Variants in GRIK2 observed in about 807,000 individuals in gnomAD.
GRIK2 encodes glutamate ionotropic receptor kainate type subunit 2, also known as glutamate receptor ionotropic, kainate 2.
In GRIK2, 32 loss-of-function variants were observed where a neutral mutation model predicts 100.3. The ratio of observed to expected loss-of-function variants is 0.32; its 90% CI spans 0.24 to 0.43. The LOEUF is 0.43. GRIK2 is among the 20% of genes least tolerant of loss of function. The probability of loss-of-function intolerance (pLI) is 1.00; values close to 1 mark genes in which losing one functional copy is unlikely to be tolerated. For missense variants in GRIK2, 843 were observed against 1,114.9 expected (o/e 0.76, Z 3.47); for synonymous variants, 417 against 389.4 (o/e 1.07, Z -0.83).
intron 2 of GRIK2, among the ~76,000 whole-genome samples, chr6:101,498,183 C>G (rs982241453): frequency 6.6e-6 from 1 of 150,694 alleles, no homozygotes; most frequent in African/African-American, 2.4e-5. Flanking sequence ...CATGTCCCTA[C>G]AAAGGACATG....
intron 2 of GRIK2, among the ~76,000 whole-genome samples, chr6:101,507,822 G>T (rs1774098526): frequency 6.6e-6 from 1 of 152,174 alleles, no homozygotes; most frequent in African/African-American, 2.4e-5. Flanking sequence ...GAGGCAAGGG[G>T]CTGATGTTGG....
At chr6:101,514,936 G>C (rs192499131) in intron 2 of GRIK2, among the ~76,000 whole-genome samples, 18 of 152,134 alleles carry the variant, frequency 1.2e-4, no homozygotes, top group Admixed American at 1.2e-3. Context: ...GGTACGGGAG[G>C]TACTTGGTTA....
In GRIK2 at chr6:102,068,326, T is replaced by C. The variant is rs1170643474; in HGVS notation, c.2563-21T>C. 1.9e-6 allele frequency: 3 copies of C among 1,573,776 alleles called. No homozygotes were observed. In the African/African-American group the frequency reaches 4.1e-5, roughly 21 times the overall value. ...AGTTTATGTATCTTGTAATATTTAATTTTTCTGTGTTCTTCTGTAGAGGTC... is the reference window on the plus strand; with the variant it reads ...AGTTTATGTATCTTGTAATATTTAACTTTTCTGTGTTCTTCTGTAGAGGTC... On this transcript the variant is annotated intron_variant, in intron 16 of 16. Coordinates refer to ENST00000369134, the MANE Select transcript of GRIK2 (RefSeq NM_021956.5).
chr6:101,716,900 C>T (rs1005066281), intron 7 of GRIK2, among the ~76,000 whole-genome samples: 6 of 151,752 alleles, frequency 4.0e-5, no homozygotes, highest in Non-Finnish European at 8.8e-5. Context: ...TCTTCCAGTG[C>T]CCATTCCTCT....
At chr6:101,558,754 T>G (rs956922167) in intron 2 of GRIK2, among the ~76,000 whole-genome samples, 1 of 152,016 alleles carries the variant, frequency 6.6e-6, no homozygotes, top group African/African-American at 2.4e-5. Context: ...CATTCTATGT[T>G]CTGTCCCAAG....
chr6:101,604,577 A>G (rs1197323531), intron 2 of GRIK2, among the ~76,000 whole-genome samples: 1 of 151,840 alleles, frequency 6.6e-6, no homozygotes, highest in Non-Finnish European at 1.5e-5. Flanking sequence ...ATTTTGTAAC[A>G]CTCATTTTAT....
intron 10 of GRIK2, among the ~76,000 whole-genome samples, chr6:101,857,287 T>C (rs1414101379): frequency 1.3e-5 from 2 of 152,178 alleles, no homozygotes; most frequent in Admixed American, 1.3e-4. Flanking sequence ...ATGGTCATTC[T>C]AAAAATCAGG....
At chr6:101,584,338 C>T (rs1016602719) in intron 2 of GRIK2, among the ~76,000 whole-genome samples, 9 of 152,002 alleles carry the variant, frequency 5.9e-5, no homozygotes, top group Non-Finnish European at 1.3e-4. Flanking sequence ...GTTTCTTTCA[C>T]TCTAGAGGAA....
At chr6:101,939,204 C>A (rs931075255) in intron 14 of GRIK2, among the ~76,000 whole-genome samples, 1 of 151,958 alleles carries the variant, frequency 6.6e-6, no homozygotes, top group Non-Finnish European at 1.5e-5. Context: ...AAGGCATAGA[C>A]CAAGTTGTGG....
At chr6:101,969,789 G>A (rs1792926163) in intron 14 of GRIK2, among the ~76,000 whole-genome samples, 1 of 151,978 alleles carries the variant, frequency 6.6e-6, no homozygotes, top group African/African-American at 2.4e-5. Flanking sequence ...GTAATCATAA[G>A]GAGCAGCATA....
chr6:101,432,695 A>G (rs1769475074), intron 2 of GRIK2, among the ~76,000 whole-genome samples: 1 of 152,182 alleles, frequency 6.6e-6, no homozygotes, highest in South Asian at 2.1e-4. Context: ...AGAGGAGGGT[A>G]TGATGAATTT....
At chr6:101,522,901 T>C (rs1774948832) in intron 2 of GRIK2, among the ~76,000 whole-genome samples, 2 of 150,232 alleles carry the variant, frequency 1.3e-5, no homozygotes, top group African/African-American at 4.9e-5. Flanking sequence ...AATATATTTA[T>C]TATATATTAA....
chr6:101,513,044 C>A (rs1339670638), intron 2 of GRIK2, among the ~76,000 whole-genome samples: 3 of 151,928 alleles, frequency 2.0e-5, no homozygotes, highest in Non-Finnish European at 4.4e-5. Flanking sequence ...GAGATTTATT[C>A]TAAGCCAAAT....
At chr6:101,863,903 C>A (rs537599322) in intron 11 of GRIK2, among the ~76,000 whole-genome samples, 2 of 150,870 alleles carry the variant, frequency 1.3e-5, no homozygotes, top group African/African-American at 4.9e-5. Flanking sequence ...TTTGGGAGGC[C>A]GAGGCGGGTG....
intron 2 of GRIK2, among the ~76,000 whole-genome samples, chr6:101,417,139 T>A (rs1776184359): frequency 6.6e-6 from 1 of 152,178 alleles, no homozygotes. Context: ...CACGAGAATG[T>A]GTGCAGGGGA....
rs149458424 is a variant in GRIK2 at position 101,780,208 on chromosome 6, C to T, written c.952-19440C>T. 2.2e-3 allele frequency among the ~76,000 whole-genome samples: 334 copies of T among 152,196 alleles called. 4 individuals carry two copies. Among genetic ancestry groups the T allele is most frequent in the African/African-American group, 7.4e-3 (309 of 41,542 alleles). Reference sequence around the variant, plus strand: ...GCTCAGAGATGTATTCTCCATGGTCCGTGGAACCATACTAGCCTGGTATTC... The same window carrying T: ...GCTCAGAGATGTATTCTCCATGGTCTGTGGAACCATACTAGCCTGGTATTC... On this transcript the variant is annotated intron_variant, in intron 7 of 16. Coordinates refer to ENST00000369134, the MANE Select transcript of GRIK2 (RefSeq NM_021956.5).
At position 101,695,525 on chromosome 6, in the gene GRIK2, TTATC is replaced by T. The variant is rs567152544; in HGVS notation, c.951+9176_951+9179del. Among the ~76,000 whole-genome samples, 539 of 152,252 alleles carry T rather than the reference TTATC, an allele frequency of 3.5e-3. 2 individuals are homozygous for T. Among genetic ancestry groups the T allele is most frequent in the Middle Eastern group, 0.01 (3 of 294 alleles). ...TATTTAATCATATTCATACCTATAT[TTATC>T]TATGTACTAAACTATACTATTTATA... On this transcript the variant is annotated intron_variant, in intron 7 of 16. Coordinates refer to ENST00000369134, the MANE Select transcript of GRIK2 (RefSeq NM_021956.5).
intron 16 of GRIK2, among the ~76,000 whole-genome samples, chr6:102,055,797 A>G (rs1341876628): frequency 3.9e-5 from 6 of 152,058 alleles, no homozygotes; most frequent in African/African-American, 1.4e-4. Context: ...TAATTTTAAT[A>G]TGTTTAATTG....
At chr6:101,700,586 C>A (rs1278074212) in intron 7 of GRIK2, among the ~76,000 whole-genome samples, 1 of 152,090 alleles carries the variant, frequency 6.6e-6, no homozygotes, top group African/African-American at 2.4e-5. Context: ...CACAAAAATG[C>A]TGTAGGATGA....
Sources: allele counts gnomAD v4.1 joint callset (sites outside exome capture counted in the v4.1 genomes callset), GRCh38; gene constraint gnomAD v4.1.1; transcripts MANE v1.5; gene names NCBI Gene and HGNC (gene_info 2026-07-23, HGNC 2026-07-21).